Variants in CLSTN2 observed in about 807,000 individuals in gnomAD.
The protein encoded by CLSTN2 is calsyntenin-2.
CLSTN2 carries 48 observed loss-of-function variants against 101.2 expected under a neutral mutation model. The ratio of observed to expected loss-of-function variants is 0.47; its 90% CI spans 0.38 to 0.60. CLSTN2 has a LOEUF of 0.60. CLSTN2 is among the 20% of genes least tolerant of loss of function. The pLI, the probability that CLSTN2 is intolerant of heterozygous loss-of-function variation, is 0.00. For missense variants in CLSTN2, 1,160 were observed against 1,238.2 expected, an observed-to-expected ratio of 0.94 and a Z score of 0.95; for synonymous variants, 481 against 463.6, an observed-to-expected ratio of 1.04 and a Z score of -0.48.
At position 140,059,059 on chromosome 3, in the gene CLSTN2, G is replaced by A. The variant is rs199655998; in HGVS notation, c.110-116892G>A. Reference sequence around the variant, plus strand: ...CATGGCAGTAGTATGTGATGTTGGGGTGTGGGCTCTGTCATCAGATTCCCT... The same window carrying A: ...CATGGCAGTAGTATGTGATGTTGGGATGTGGGCTCTGTCATCAGATTCCCT... On this transcript the variant is annotated intron_variant, in intron 1 of 16. Coordinates refer to ENST00000458420, the MANE Select transcript of CLSTN2 (RefSeq NM_022131.3). 2.6e-5 allele frequency among the ~76,000 whole-genome samples: 4 copies of A among 152,378 alleles called. No individual in the cohort carries two copies. In the East Asian group the frequency reaches 7.7e-4, roughly 29 times the overall value.
intron 2 of CLSTN2, among the ~76,000 whole-genome samples, chr3:140,385,747 G>T (rs1020750049): frequency 1.2e-4 from 19 of 152,108 alleles, no homozygotes; most frequent in Admixed American, 2.6e-4. Flanking sequence ...CCCTTGTCAA[G>T]CAGGTATGGG....
At chr3:140,015,731 C>T (rs760203199) in intron 1 of CLSTN2, among the ~76,000 whole-genome samples, 10 of 152,228 alleles carry the variant, frequency 6.6e-5, no homozygotes, top group African/African-American at 9.6e-5. Context: ...GGAAGCTGGG[C>T]CTAGGGCCCG....
Position 140,522,889 on chromosome 3 carries a change from A to T in CLSTN2, c.1345-9435A>T, listed in dbSNP as rs536489293. ...AGTTTAATCATTTGCTGTGTTTGCT[A>T]TTATTTCTCAGACAGGCAAAGGGTT... On this transcript the variant is annotated intron_variant, in intron 8 of 16. Transcript: ENST00000458420. Among the ~76,000 whole-genome samples the T allele has an allele frequency of 7.3e-5, 8 of 109,804 alleles. 1 individual carries two copies. Among genetic ancestry groups the T allele is most frequent in the Admixed American group, 2.5e-4 (2 of 7,978 alleles). The allele number at this position is 109,804 out of a possible 152,430, so 72.0% of individuals were successfully genotyped here. A position where few individuals can be genotyped will look rare whatever the true frequency, so the allele number is the denominator to read the frequency against.
intron 2 of CLSTN2, among the ~76,000 whole-genome samples, chr3:140,401,547 T>C (rs1199402348): frequency 6.6e-6 from 1 of 152,234 alleles, no homozygotes; most frequent in Non-Finnish European, 1.5e-5. Context: ...CCTTTTCTGT[T>C]GTTAAGGATT....
chr3:139,950,976 A>C (rs1159187226), intron 1 of CLSTN2, among the ~76,000 whole-genome samples: 1 of 152,210 alleles, frequency 6.6e-6, no homozygotes, highest in Admixed American at 6.5e-5. Context: ...TTAAATGCTG[A>C]AAGACTTCTG....
intron 2 of CLSTN2, among the ~76,000 whole-genome samples, chr3:140,382,262 C>T (rs937060259): frequency 6.6e-6 from 1 of 152,200 alleles, no homozygotes; most frequent in African/African-American, 2.4e-5. Context: ...GGCCTGGTCC[C>T]AGACTACATG....
chr3:140,563,089 C>T lies in CLSTN2; in HGVS notation c.2368C>T (p.Leu790Phe). 6.2e-7 allele frequency: 1 copy of T among 1,614,098 alleles called. No homozygotes were observed. Among genetic ancestry groups the T allele is most frequent in the Non-Finnish European group, 8.5e-7 (1 of 1,179,986 alleles). ...SNEFNLEVSI[L>F]HEDQVSDKEH... ...TCCCCACTCTTCCCAGGTCAGCATC[C>T]TTCATGAAGACCAAGTCTCAGATAA... The change falls in exon 15 of 17, where the codon CTT becomes TTT. Residue 790 changes from leucine to phenylalanine, a missense_variant. Transcript: ENST00000458420.
intron 2 of CLSTN2, among the ~76,000 whole-genome samples, chr3:140,226,907 C>G (rs1459490519): frequency 6.6e-6 from 1 of 152,144 alleles, no homozygotes; most frequent in Non-Finnish European, 1.5e-5. Context: ...ATCATGAGAA[C>G]AGTGCAGGAA....
At chr3:140,411,935 A>G (rs2088369148) in intron 4 of CLSTN2, among the ~76,000 whole-genome samples, 1 of 152,258 alleles carries the variant, frequency 6.6e-6, no homozygotes, top group South Asian at 2.1e-4. Flanking sequence ...GCAGGCTGGT[A>G]GAGAAAAACA....
intron 1 of CLSTN2, among the ~76,000 whole-genome samples, chr3:140,099,495 C>T (rs1233451228): frequency 6.6e-6 from 1 of 152,118 alleles, no homozygotes; most frequent in African/African-American, 2.4e-5. Context: ...GATCTTGTTT[C>T]TAGATTCTCA....
At chr3:140,390,160 TTTAC>T (rs2088097424) in intron 2 of CLSTN2, among the ~76,000 whole-genome samples, 1 of 152,078 alleles carries the variant, frequency 6.6e-6, no homozygotes, top group African/African-American at 2.4e-5. Flanking sequence ...AAGTTTTGTG[TTTAC>T]TTACTTTAGG....
chr3:140,254,948 A>T (rs1218646442), intron 2 of CLSTN2, among the ~76,000 whole-genome samples: 2 of 152,196 alleles, frequency 1.3e-5, no homozygotes, highest in Admixed American at 6.5e-5. Flanking sequence ...TAAGAAACTT[A>T]AATCAACAAA....
At chr3:140,128,993 C>T (rs1255145175) in intron 1 of CLSTN2, among the ~76,000 whole-genome samples, 7 of 151,944 alleles carry the variant, frequency 4.6e-5, no homozygotes, top group Admixed American at 2.6e-4. Context: ...AATAGTGTTT[C>T]GACAGTTAGG....
At chr3:139,972,308 C>T (rs1935721939) in intron 1 of CLSTN2, among the ~76,000 whole-genome samples, 2 of 151,978 alleles carry the variant, frequency 1.3e-5, no homozygotes, top group Admixed American at 6.5e-5. Context: ...GTGGGTTTTA[C>T]AATTTAGTGG....
chr3:140,508,822 A>G (rs1934736704), intron 8 of CLSTN2: 1 of 152,158 alleles, frequency 6.6e-6, no homozygotes, highest in Non-Finnish European at 1.5e-5. Context: ...ATATCCCTAG[A>G]TGAATTCTGT....
chr3:140,503,366 T>TAAAC (rs1934618626), intron 8 of CLSTN2, among the ~76,000 whole-genome samples: 1 of 152,248 alleles, frequency 6.6e-6, no homozygotes, highest in African/African-American at 2.4e-5. Context: ...TGTGTCTAAA[T>TAAAC]AAACACATAC....
chr3:140,146,706 G>A (rs775198698), intron 1 of CLSTN2, among the ~76,000 whole-genome samples: 31 of 152,212 alleles, frequency 2.0e-4, no homozygotes, highest in Admixed American at 5.2e-4. Context: ...GTTTTCATGT[G>A]CCTAGGATGG....
At chr3:140,154,136 A>AATTTTG (rs1442039588) in intron 1 of CLSTN2, among the ~76,000 whole-genome samples, 1 of 152,130 alleles carries the variant, frequency 6.6e-6, no homozygotes, top group Non-Finnish European at 1.5e-5. Flanking sequence ...AAAATAATAA[A>AATTTTG]ATTTTGAGAG....
intron 8 of CLSTN2, among the ~76,000 whole-genome samples, chr3:140,497,187 A>G (rs349509): frequency 0.99 from 149,974 of 152,054 alleles, 73,975 homozygotes; most frequent in East Asian, 1. Flanking sequence ...TCGTGCAGAT[A>G]GCTTGGACTC....
Sources: allele counts gnomAD v4.1 joint callset (sites outside exome capture counted in the v4.1 genomes callset), GRCh38; gene constraint gnomAD v4.1.1; transcripts MANE v1.5; gene names NCBI Gene and HGNC (gene_info 2026-07-23, HGNC 2026-07-21).